The following DTNB variants were observed in gnomAD, a reference collection of about 807,000 sequenced individuals.
DTNB encodes the protein dystrobrevin beta, also known as DTN-B.
A neutral mutation model predicts 90.7 loss-of-function variants in DTNB; 63 were observed. That is an observed-to-expected ratio of 0.69 (90% CI 0.57 to 0.86). The LOEUF (loss-of-function observed/expected upper bound fraction) is 0.86, where lower values mean the gene tolerates loss of function less well. DTNB is among the 40% of genes least tolerant of loss of function. The probability of loss-of-function intolerance (pLI) is 0.00; values close to 1 mark genes in which losing one functional copy is unlikely to be tolerated. For synonymous variants in DTNB, 277 were observed against 286.7 expected, an observed-to-expected ratio of 0.97 and a Z score of 0.34; for missense variants, 744 against 807.1, an observed-to-expected ratio of 0.92 and a Z score of 0.95.
rs35419647 is a variant in DTNB at position 25,662,681 on chromosome 2, A to ACAAACAC, written c.-1-10021_-1-10020insGTGTTTG. On this transcript the variant is annotated intron_variant, in intron 1 of 20. Transcript: ENST00000406818. Reference sequence around the variant, plus strand: ...ACACACACACACACACACACACACAAACACACACACACACACACACACACA... The same window carrying ACAAACAC: ...ACACACACACACACACACACACACAACAAACACACACACACACACACACACACACACA... Among the ~76,000 whole-genome samples the ACAAACAC allele has an allele frequency of 1.9e-3, 194 of 104,520 alleles. 2 individuals carry two copies. The highest frequency in any genetic ancestry group is 0.014 in the South Asian group (43 of 3,136). 68.6% of individuals were successfully genotyped at this position (104,520 alleles called of 152,430 possible).
At chr2:25,627,568 GT>G (rs1035365839) in intron 4 of DTNB, among the ~76,000 whole-genome samples, 4 of 152,018 alleles carry the variant, frequency 2.6e-5, no homozygotes, top group Non-Finnish European at 4.4e-5. Context: ...AAAACTTAGT[GT>G]TTTTCATGAG....
chr2:25,540,822 T>A (rs893147979), intron 8 of DTNB, among the ~76,000 whole-genome samples: 1 of 152,120 alleles, frequency 6.6e-6, no homozygotes, highest in African/African-American at 2.4e-5. Context: ...ATGTGCTTTG[T>A]TAAACAGATG....
At chr2:25,521,714 C>T (rs567771989) in intron 9 of DTNB, among the ~76,000 whole-genome samples, 13 of 152,270 alleles carry the variant, frequency 8.5e-5, no homozygotes, top group Admixed American at 7.2e-4. Flanking sequence ...CGGACACTGA[C>T]GTGATTTTCA....
chr2:25,432,603 T>C (rs2054282239), intron 14 of DTNB, among the ~76,000 whole-genome samples: 2 of 152,158 alleles, frequency 1.3e-5, no homozygotes, highest in Admixed American at 1.3e-4. Context: ...AGCACAGTGG[T>C]CTTCTTAAAG....
intron 10 of DTNB, among the ~76,000 whole-genome samples, chr2:25,461,597 C>A (rs1004713852): frequency 1.3e-5 from 2 of 152,020 alleles, no homozygotes; most frequent in African/African-American, 4.8e-5. Context: ...ATCCATAAAA[C>A]GAGGTGATGC....
At chr2:25,647,118 C>T (rs747146517) in intron 2 of DTNB, among the ~76,000 whole-genome samples, 6 of 152,084 alleles carry the variant, frequency 3.9e-5, no homozygotes, top group Admixed American at 2.6e-4. Context: ...TGAAAGAAAG[C>T]CAGCATTAGC....
At chr2:25,397,990 T>A (rs1460527984) in intron 16 of DTNB, among the ~76,000 whole-genome samples, 1 of 151,260 alleles carries the variant, frequency 6.6e-6, no homozygotes, top group Non-Finnish European at 1.5e-5. Flanking sequence ...GGAATCTCCC[T>A]CTGCATGATC....
Position 25,427,561 on chromosome 2 carries a change from G to C in DTNB, c.1528C>G (p.Leu510Val), listed in dbSNP as rs1237152416. ...QESRRELMVQ[L>V]EELMKLLKEE... ...TTCAGCAACTTCATCAGCTCTTCCA[G>C]CTGGACCATCAGCTCCCGCCTGCTC... Residue 510 changes from leucine (L) to valine (V), a missense_variant, in exon 15 of 21, where the codon CTG (leucine) becomes GTG (valine). Leu to Val is a conservative substitution (Grantham distance 32). Transcript: ENST00000406818. 1 of 1,613,662 alleles carries C rather than the reference G, an allele frequency of 6.2e-7. No individual in the cohort carries two copies. The highest frequency in any genetic ancestry group is 8.5e-7 in the Non-Finnish European group (1 of 1,179,848).
chr2:25,567,996 T>C (rs1369194438), intron 8 of DTNB, among the ~76,000 whole-genome samples: 4 of 151,946 alleles, frequency 2.6e-5, no homozygotes, highest in African/African-American at 9.7e-5. Context: ...GCATCTCTAC[T>C]AAAAACACAA....
rs1034003609 is a variant in DTNB, at chr2:25,597,673, G to GA, written c.449-1434dup. Among the ~76,000 whole-genome samples, 9 of 152,264 alleles carry GA rather than the reference G, an allele frequency of 5.9e-5. No homozygotes were observed. The South Asian group carries it at 6.2e-4, about 11-fold the overall frequency. On this transcript the variant is annotated intron_variant, in intron 5 of 20. Coordinates refer to ENST00000406818, the MANE Select transcript of DTNB (RefSeq NM_021907.5). ...AAAAGTATTAAATACCCATATGGGG[G>GA]AAAAAATCCAGCAAGAGACTAAAAG...
intron 2 of DTNB, among the ~76,000 whole-genome samples, chr2:25,643,317 T>G (rs2078753344): frequency 6.6e-6 from 1 of 152,136 alleles, no homozygotes; most frequent in South Asian, 2.1e-4. Flanking sequence ...TGAACCCCAG[T>G]GCTTCCCCCA....
At position 25,542,733 on chromosome 2, in the gene DTNB, G is replaced by C. The variant is rs146534862; in HGVS notation, c.877-11136C>G. Among the ~76,000 whole-genome samples, 960 of 152,154 alleles carry C rather than the reference G, an allele frequency of 6.3e-3. 12 individuals are homozygous for C. The highest frequency in any genetic ancestry group is 0.02 in the Middle Eastern group (6 of 294). On this transcript the variant is annotated intron_variant, in intron 8 of 20. Coordinates refer to ENST00000406818, the MANE Select transcript of DTNB (RefSeq NM_021907.5). ...TTATTTGGGTGTTCTATTCCATCTT[G>C]AATCGGTTTTGGTAAGCAACGCTGT...
intron 10 of DTNB, among the ~76,000 whole-genome samples, chr2:25,463,779 A>G (rs2061369011): frequency 6.6e-6 from 1 of 152,248 alleles, no homozygotes; most frequent in Non-Finnish European, 1.5e-5. Flanking sequence ...GGGGACAGCT[A>G]GAGGAAACCC....
intron 15 of DTNB, 94 bp downstream of exon 15, chr2:25,427,441 G>T: frequency 2.5e-6 from 3 of 1,217,898 alleles, no homozygotes; most frequent in Non-Finnish European, 3.5e-6. Context: ...TCAAGCCTTT[G>T]GCCTCATCCT....
At chr2:25,420,675 G>A (rs2049362012) in intron 15 of DTNB, among the ~76,000 whole-genome samples, 1 of 152,084 alleles carries the variant, frequency 6.6e-6, no homozygotes, top group Admixed American at 6.6e-5. Context: ...TAGAGATGGG[G>A]TTTCACCATG....
intron 2 of DTNB, among the ~76,000 whole-genome samples, chr2:25,644,825 G>T (rs2079090271): frequency 6.6e-6 from 1 of 152,088 alleles, no homozygotes; most frequent in South Asian, 2.1e-4. Context: ...TAACACAAAT[G>T]ACTTCCTTAT....
chr2:25,437,448 G>A (rs914174941), intron 12 of DTNB, among the ~76,000 whole-genome samples: 8 of 151,984 alleles, frequency 5.3e-5, no homozygotes, highest in African/African-American at 1.9e-4. Context: ...TTTAAGTAGG[G>A]ACAGGGTTTC....
At chr2:25,650,961 A>C (rs1345318535) in intron 2 of DTNB, among the ~76,000 whole-genome samples, 1 of 128,680 alleles carries the variant, frequency 7.8e-6, no homozygotes, top group East Asian at 2.1e-4. Context: ...ACTCCCTCTC[A>C]AAAAAAAAAA....
At chr2:25,483,064 A>G (rs1409460183) in intron 9 of DTNB, among the ~76,000 whole-genome samples, 191 bp from the exon 10 acceptor site, 6 of 148,018 alleles carry the variant, frequency 4.1e-5, no homozygotes, top group Non-Finnish European at 6.0e-5. Flanking sequence ...GAGGGGGGGA[A>G]CCCTTGGGGA....
Sources: allele counts gnomAD v4.1 joint callset (sites outside exome capture counted in the v4.1 genomes callset), GRCh38; gene constraint gnomAD v4.1.1; transcripts MANE v1.5; gene names NCBI Gene and HGNC (gene_info 2026-07-23, HGNC 2026-07-21).